CD3G: variants seen among roughly 807,000 people sequenced by gnomAD.
CD3G encodes the protein T-cell surface glycoprotein CD3 gamma chain.
CD3G carries 24 observed loss-of-function variants against 28.3 expected under a neutral mutation model. The ratio of observed to expected loss-of-function variants is 0.85; its 90% CI spans 0.61 to 1.19. The LOEUF (loss-of-function observed/expected upper bound fraction) is 1.19, where lower values mean the gene tolerates loss of function less well. Ranked by LOEUF, CD3G falls within the 50% of genes most tolerant of loss-of-function variation. CD3G has a pLI of 0.00. For synonymous variants in CD3G, 71 were observed against 75.9 expected (o/e 0.93, Z 0.34); for missense variants, 211 against 210.0 (o/e 1.00, Z -0.03).
rs1948424203 is a variant in CD3G at position 118,353,167 on chromosome 11, T to C, written c.*67T>C. ...GTTCCCAGAATCAAAGCAATGCATTTTGGAAAGCTCCTAGCAGAGAGACTT... is the reference window on the plus strand; with the variant it reads ...GTTCCCAGAATCAAAGCAATGCATTCTGGAAAGCTCCTAGCAGAGAGACTT... On this transcript the variant is annotated 3_prime_UTR_variant, in exon 7 of 7. Coordinates refer to ENST00000532917, the MANE Select transcript of CD3G (RefSeq NM_000073.3). 1 of 152,960 alleles carries C rather than the reference T, an allele frequency of 6.5e-6. No individual in the cohort carries two copies. The highest frequency in any genetic ancestry group is 6.5e-5 in the Admixed American group (1 of 15,406). 9.5% of individuals were successfully genotyped at this position (152,960 alleles called of 1,614,324 possible).
intron 1 of CD3G, among the ~76,000 whole-genome samples, chr11:118,347,137 C>T (rs950545903): frequency 6.6e-6 from 1 of 152,146 alleles, no homozygotes; most frequent in Non-Finnish European, 1.5e-5. Context: ...TGACTCATGA[C>T]CGCCTCTCCC....
At chr11:118,352,534 GCCCT>G in intron 6 of CD3G, 47 bp downstream of exon 6, 3 of 1,275,506 alleles carry the variant, frequency 2.4e-6, no homozygotes, top group Non-Finnish European at 3.4e-6. Flanking sequence ...TGCATCAACT[GCCCT>G]CGCAATTGCT....
chr11:118,344,588 C>A, intron 1 of CD3G, 110 bp downstream of exon 1: 1 of 950,892 alleles, frequency 1.1e-6, no homozygotes, highest in Non-Finnish European at 1.7e-6. Flanking sequence ...CCTCTGCTGT[C>A]ACCTTAGAGT....
In CD3G at chr11:118,354,190, T is replaced by C. The variant is rs1478002082; in HGVS notation, c.*1090T>C. 2 of 152,230 alleles carry C rather than the reference T, an allele frequency of 1.3e-5. No homozygotes were observed. Among genetic ancestry groups the C allele is most frequent in the African/African-American group, 4.8e-5 (2 of 41,468 alleles). 9.4% of individuals were successfully genotyped at this position (152,230 alleles called of 1,614,324 possible). A position where few individuals can be genotyped will look rare whatever the true frequency, so the allele number is the denominator to read the frequency against. ...GTACATGCCATAAAATCCACCCATC[T>C]TAAGTGATTTCACCTGTTCTCAGAA... On this transcript the variant is annotated 3_prime_UTR_variant, in exon 7 of 7. Coordinates refer to ENST00000532917, the MANE Select transcript of CD3G (RefSeq NM_000073.3).
intron 5 of CD3G, among the ~76,000 whole-genome samples, chr11:118,352,021 T>C (rs1054904248): frequency 1.3e-5 from 2 of 152,004 alleles, no homozygotes; most frequent in African/African-American, 4.8e-5. Context: ...GAGACAAGCC[T>C]GGCCAACATG....
intron 1 of CD3G, among the ~76,000 whole-genome samples, chr11:118,346,599 T>C (rs1370665155): frequency 6.6e-6 from 1 of 152,112 alleles, no homozygotes; most frequent in Non-Finnish European, 1.5e-5. Flanking sequence ...GAGGATCATT[T>C]GAGCCCAGGA....
At chr11:118,349,296 C>G (rs1258303628) in intron 2 of CD3G, 2 of 1,420,342 alleles carry the variant, frequency 1.4e-6, no homozygotes, top group African/African-American at 2.9e-5. Flanking sequence ...AGGGACACAT[C>G]TCAAACTGTG....
chr11:118,351,620 T>C lies in CD3G; in HGVS notation c.440-8T>C. On this transcript the variant is annotated splice_polypyrimidine_tract_variant and splice_region_variant and intron_variant, in intron 4 of 6. Transcript: ENST00000532917. ...ACCTTGTGTGGATTCTGTTTCTTTT[T>C]TGTGCAGCTTCAGACAAGCAGACTC... The C allele has an allele frequency of 6.2e-7, 1 of 1,613,970 alleles. No homozygotes were observed. The highest frequency in any genetic ancestry group is 8.5e-7 in the Non-Finnish European group (1 of 1,179,900).
At chr11:118,351,494 A>G in intron 4 of CD3G, 134 bp from the exon 5 acceptor site, 1 of 795,846 alleles carries the variant, frequency 1.3e-6, no homozygotes, top group Non-Finnish European at 2.1e-6. Flanking sequence ...TCACTCAACA[A>G]CATGTTTATG....
rs1948409728 is a variant in CD3G at position 118,351,507 on chromosome 11, C to T, written c.440-121C>T. The T allele has an allele frequency of 5.7e-6, 5 of 878,964 alleles. No homozygotes were observed. The South Asian group carries it at 7.0e-5, about 12-fold the overall frequency. The allele number at this position is 878,964 out of a possible 1,614,324, so 54.4% of individuals were successfully genotyped here. ...TTTCACTCAACAACATGTTTATGTG[C>T]TTTATCCATACTCTTGTGTATATAT... is the stretch of plus-strand genomic sequence containing the variant. On this transcript the variant is annotated intron_variant, in intron 4 of 6. Transcript: ENST00000532917.
At chr11:118,344,562 C>G in intron 1 of CD3G, 84 bp downstream of exon 1, 1 of 1,190,926 alleles carries the variant, frequency 8.4e-7, no homozygotes, top group Non-Finnish European at 1.2e-6. Context: ...TATTGGTATC[C>G]CTAACCTTCA....
chr11:118,350,907 A>AAAC, intron 4 of CD3G: 2 of 1,286,042 alleles, frequency 1.6e-6, no homozygotes, highest in Non-Finnish European at 2.0e-6. Context: ...AAAAAAACAA[A>AAAC]AACAGGCGCA....
chr11:118,350,862 C>G (rs114273576), intron 4 of CD3G, 179 bp downstream of exon 4: 13 of 1,340,000 alleles, frequency 9.7e-6, no homozygotes, highest in Non-Finnish European at 1.2e-5. Context: ...AGCATGTTCA[C>G]CTGTCTCAAG....
chr11:118,352,369 G>A (rs1565522987), intron 5 of CD3G, 35 bp from the exon 6 acceptor site: 1 of 1,579,158 alleles, frequency 6.3e-7, no homozygotes, highest in East Asian at 2.2e-5. Context: ...ATAGAGGATG[G>A]AAAAAATGAC....
rs1948436160 is a variant in CD3G, at chr11:118,354,676, G to A, written c.*1576G>A. ...ATAGCCATTCTATGGATTTAATATG[G>A]TATTTTATTATGGCCTTAATTTGCA... On this transcript the variant is annotated 3_prime_UTR_variant, in exon 7 of 7. Coordinates refer to ENST00000532917, the MANE Select transcript of CD3G (RefSeq NM_000073.3). 1 of 151,932 alleles carries A rather than the reference G, an allele frequency of 6.6e-6. No individual in the cohort carries two copies. The highest frequency in any genetic ancestry group is 2.4e-5 in the African/African-American group (1 of 41,380). 9.4% of individuals were successfully genotyped at this position (151,932 alleles called of 1,614,324 possible). A position where few individuals can be genotyped will look rare whatever the true frequency, so the allele number is the denominator to read the frequency against.
chr11:118,352,086 C>T (rs963808669), intron 5 of CD3G, among the ~76,000 whole-genome samples: 11 of 151,862 alleles, frequency 7.2e-5, no homozygotes, highest in South Asian at 2.1e-4. Flanking sequence ...CGTGGAGGCG[C>T]GCGCCTGTAG....
chr11:118,347,528 G>C (rs548078526), intron 1 of CD3G, among the ~76,000 whole-genome samples: 1 of 152,038 alleles, frequency 6.6e-6, no homozygotes, highest in Non-Finnish European at 1.5e-5. Flanking sequence ...AATAGTCCTC[G>C]TTAAATGTTT....
Position 118,344,416 on chromosome 11 carries a change from A to C in CD3G, c.-8A>C. ...GCTCCACGCTTTTGCCGGAGGACAG[A>C]GACTGACATGGAACAGGGGAAGGGC... On this transcript the variant is annotated 5_prime_UTR_variant, in exon 1 of 7. Coordinates refer to ENST00000532917, the MANE Select transcript of CD3G (RefSeq NM_000073.3). The C allele has an allele frequency of 6.4e-7, 1 of 1,566,274 alleles. No individual in the cohort carries two copies. The highest frequency in any genetic ancestry group is 8.7e-7 in the Non-Finnish European group (1 of 1,154,844).
At chr11:118,351,252 T>C (rs941153524) in intron 4 of CD3G, among the ~76,000 whole-genome samples, 1 of 138,690 alleles carries the variant, frequency 7.2e-6, no homozygotes, top group Non-Finnish European at 1.5e-5. Flanking sequence ...ATCACAAGCA[T>C]ACAGCTCAAA....
Sources: allele counts gnomAD v4.1 joint callset (sites outside exome capture counted in the v4.1 genomes callset), GRCh38; gene constraint gnomAD v4.1.1; transcripts MANE v1.5; gene names NCBI Gene and HGNC (gene_info 2026-07-23, HGNC 2026-07-21).